The following GDE1 variants were observed in gnomAD, a reference collection of about 807,000 sequenced individuals.
The protein encoded by GDE1 is RGS16-interacting membrane protein.
A neutral mutation model predicts 32.2 loss-of-function variants in GDE1; 24 were observed. The observed-to-expected ratio is 0.75, with a 90% CI of 0.54 to 1.05. The LOEUF (loss-of-function observed/expected upper bound fraction) is 1.05. GDE1 is among the 50% of genes least tolerant of loss of function. The probability of loss-of-function intolerance (pLI) is 0.00; values close to 1 mark genes in which losing one functional copy is unlikely to be tolerated. For synonymous variants in GDE1, 159 were observed against 158.6 expected (o/e 1.00, Z -0.02); for missense variants, 380 against 415.0 (o/e 0.92, Z 0.73).
Position 19,517,663 on chromosome 16 carries a change from C to T in GDE1, c.262-474G>A, listed in dbSNP as rs533188022. 3.3e-5 allele frequency among the ~76,000 whole-genome samples: 5 copies of T among 152,340 alleles called. No individual in the cohort carries two copies. In the East Asian group the frequency reaches 7.7e-4, roughly 24 times the overall value. On this transcript the variant is annotated intron_variant, in intron 1 of 5. Transcript: ENST00000353258. ...TCCACCCTCTACCACAAAGACACCACGCCTGCTTCTAGGACATATCACATT... is the reference window on the plus strand; with the variant it reads ...TCCACCCTCTACCACAAAGACACCATGCCTGCTTCTAGGACATATCACATT...
In GDE1 at chr16:19,521,775, G is replaced by A. The variant is rs143742836; in HGVS notation, c.190C>T (p.Arg64Cys). The stretch of plus-strand genomic sequence containing the variant: ...CCACGGTGGGCGATGGCAGAAATGC[G>A]GTCCCGGGGCTTGAGCACCTGCAGG... ...RALQVLKPRD[R>C]ISAIAHRGGS... is the part of the protein sequence containing the mutation. The change falls in exon 1 of 6, where the codon CGC (arginine) becomes TGC (cysteine). Residue 64 changes from arginine (R) to cysteine (C), a missense_variant. Arg to Cys is a radical substitution (Grantham distance 180). Transcript: ENST00000353258. 4.3e-6 allele frequency: 7 copies of A among 1,611,850 alleles called. No individual in the cohort carries two copies. The African/African-American group carries it at 5.3e-5, about 12-fold the overall frequency.
chr16:19,508,248 T>C (rs1242143476), intron 3 of GDE1, among the ~76,000 whole-genome samples: 1 of 151,916 alleles, frequency 6.6e-6, no homozygotes, highest in Non-Finnish European at 1.5e-5. Context: ...CCATCACCAA[T>C]ATGGAGGGAG....
Position 19,510,862 on chromosome 16 carries a change from C to A in GDE1, c.520G>T (p.Asp174Tyr), listed in dbSNP as rs1324851292. 1.3e-6 allele frequency: 2 copies of A among 1,588,998 alleles called. No homozygotes were observed. The highest frequency in any genetic ancestry group is 1.7e-5 in the Admixed American group (1 of 58,012). ...ACCTTGTGTGCATGGCCTTTGACAT[C>A]AAAGAAGATTGTGAGGTTATGGTTT... ...CLNHNLTIFF[D>Y]VKGHAHKATE... is the part of the protein sequence containing the mutation. The change falls in exon 3 of 6, where the codon GAT (aspartate) becomes TAT (tyrosine). Residue 174 changes from aspartate to tyrosine, a missense_variant. By Grantham distance (160) the Asp-to-Tyr change is radical. Coordinates refer to ENST00000353258, the MANE Select transcript of GDE1 (RefSeq NM_016641.4).
chr16:19,507,268 G>A (rs373733562), intron 4 of GDE1, among the ~76,000 whole-genome samples: 2 of 152,116 alleles, frequency 1.3e-5, no homozygotes, highest in South Asian at 4.1e-4. Context: ...GAGGATCAAT[G>A]GGGTTATGGG....
Position 19,503,133 on chromosome 16 carries a change from C to T in GDE1, c.*337G>A. 3.8e-6 allele frequency: 1 copy of T among 260,404 alleles called. No individual in the cohort carries two copies. Among genetic ancestry groups the T allele is most frequent in the Non-Finnish European group, 7.4e-6 (1 of 135,358 alleles). The allele number at this position is 260,404 out of a possible 1,614,324, so 16.1% of individuals were successfully genotyped here. ...GTCAACTCTGAGTTATCATGCATGT[C>T]CCATGCATTTACATCTGCATCTGCA... is the stretch of plus-strand genomic sequence containing the variant. On this transcript the variant is annotated 3_prime_UTR_variant, in exon 6 of 6. Transcript: ENST00000353258.
At chr16:19,508,705 A>G (rs1455696936) in intron 3 of GDE1, among the ~76,000 whole-genome samples, 1 of 148,910 alleles carries the variant, frequency 6.7e-6, no homozygotes, top group Non-Finnish European at 1.5e-5. Flanking sequence ...TCTCACAACA[A>G]CCTTATGTGG....
intron 3 of GDE1, among the ~76,000 whole-genome samples, chr16:19,509,405 G>C (rs1001585269): frequency 1.3e-5 from 2 of 152,138 alleles, no homozygotes; most frequent in Non-Finnish European, 2.9e-5. Flanking sequence ...ATGAGCACCT[G>C]AGGTGCTCAT....
chr16:19,514,865 G>A (rs536936621), intron 2 of GDE1, among the ~76,000 whole-genome samples: 3 of 152,138 alleles, frequency 2.0e-5, no homozygotes, highest in South Asian at 2.1e-4. Context: ...TCAGGAGTTC[G>A]AGACCAGCCT....
chr16:19,516,236 A>G (rs894122235), intron 2 of GDE1, among the ~76,000 whole-genome samples: 1 of 152,172 alleles, frequency 6.6e-6, no homozygotes, highest in Non-Finnish European at 1.5e-5. Flanking sequence ...GTTGAAAGAC[A>G]TTGGGGGCAG....
chr16:19,505,553 G>A (rs1040995102), intron 4 of GDE1, among the ~76,000 whole-genome samples: 7 of 152,132 alleles, frequency 4.6e-5, no homozygotes, highest in African/African-American at 1.4e-4. Flanking sequence ...GGGGAAGTGA[G>A]GTGGGAAGGG....
chr16:19,507,271 G>C (rs148068853), intron 4 of GDE1, among the ~76,000 whole-genome samples: 1,614 of 152,212 alleles, frequency 0.011, 34 homozygotes, highest in Non-Finnish European at 0.011. Context: ...GATCAATGGG[G>C]TTATGGGTGA....
rs759095009 is a variant in GDE1 at position 19,521,980 on chromosome 16, G to C, written c.-16C>G. ...ACAGCCACATGCCGGCGCCCGCACC[G>C]GCACGGACGGGAGTCCCGGACCCGC... On this transcript the variant is annotated 5_prime_UTR_variant, in exon 1 of 6. Coordinates refer to ENST00000353258, the MANE Select transcript of GDE1 (RefSeq NM_016641.4). 2 of 1,523,724 alleles carry C rather than the reference G, an allele frequency of 1.3e-6. No individual in the cohort carries two copies. The highest frequency in any genetic ancestry group is 2.5e-5 in the East Asian group (1 of 40,670). The allele number at this position is 1,523,724 out of a possible 1,614,324, so 94.4% of individuals were successfully genotyped here.
chr16:19,520,561 C>T (rs1358402394), intron 1 of GDE1, among the ~76,000 whole-genome samples: 1 of 151,560 alleles, frequency 6.6e-6, no homozygotes, highest in Admixed American at 6.6e-5. Flanking sequence ...CCCATCTCTA[C>T]TAAAAATACA....
Position 19,510,819 on chromosome 16 carries a change from G to A in GDE1, c.543+20C>T, listed in dbSNP as rs201005320. ...TAAGATGTCTTTTTAACAAAGTGAA[G>A]TCCACAATTTAAACTGTACCTTGTG... On this transcript the variant is annotated intron_variant, in intron 3 of 5. Transcript: ENST00000353258. The A allele has an allele frequency of 9.5e-6, 11 of 1,162,466 alleles. No homozygotes were observed. The East Asian group carries it at 2.3e-4, about 24-fold the overall frequency. 72.0% of individuals were successfully genotyped at this position (1,162,466 alleles called of 1,614,324 possible). A position where few individuals can be genotyped will look rare whatever the true frequency, so the allele number is the denominator to read the frequency against.
intron 2 of GDE1, 91 bp from the exon 3 acceptor site, chr16:19,511,035 A>G: frequency 1.6e-6 from 1 of 628,048 alleles, no homozygotes; most frequent in South Asian, 2.2e-5. Flanking sequence ...CTCAATCAAA[A>G]GGAAAGAGTG....
chr16:19,504,519 C>T (rs1041017760), intron 5 of GDE1: 6 of 190,592 alleles, frequency 3.1e-5, no homozygotes, highest in East Asian at 1.5e-4. Flanking sequence ...TAACATAAGA[C>T]GGTAGTGGGG....
chr16:19,517,079 C>T lies in GDE1; in HGVS notation c.372G>A (p.Gly124=), dbSNP rs1164375412. 2 of 1,614,110 alleles carry T rather than the reference C, an allele frequency of 1.2e-6. No homozygotes were observed. The highest frequency in any genetic ancestry group is 1.7e-6 in the Non-Finnish European group (2 of 1,179,960). ...GTTCAAATGTCAAATCACACAATCG[C>T]CCAGTCCCATCAGTCGTCCTATCTA... is the stretch of plus-strand genomic sequence containing the variant. ...NTVDRTTDGT[G]RLCDLTFEQI... The change falls in exon 2 of 6, where the codon GGG becomes GGA. Residue 124 remains glycine, a synonymous_variant. Coordinates refer to ENST00000353258, the MANE Select transcript of GDE1 (RefSeq NM_016641.4).
Position 19,521,458 on chromosome 16 carries a change from C to T in GDE1, c.261+246G>A, listed in dbSNP as rs554422081. 170 of 537,628 alleles carry T rather than the reference C, an allele frequency of 3.2e-4. 1 individual carries two copies. Among genetic ancestry groups the T allele is most frequent in the Non-Finnish European group, 4.6e-4 (139 of 301,232 alleles). The allele number at this position is 537,628 out of a possible 1,614,324, so 33.3% of individuals were successfully genotyped here. A position where few individuals can be genotyped will look rare whatever the true frequency, so the allele number is the denominator to read the frequency against. ...AACCAGGGACACTTTTGACCTTGTTCCTGGCTGTATGTAACCTTAGCGTCA... is the reference window on the plus strand; with the variant it reads ...AACCAGGGACACTTTTGACCTTGTTTCTGGCTGTATGTAACCTTAGCGTCA... On this transcript the variant is annotated intron_variant, in intron 1 of 5. Coordinates refer to ENST00000353258, the MANE Select transcript of GDE1 (RefSeq NM_016641.4).
Position 19,503,146 on chromosome 16 carries a change from A to G in GDE1, c.*324T>C, listed in dbSNP as rs146678235. The G allele has an allele frequency of 4.2e-4, 124 of 295,524 alleles. 2 individuals are homozygous for G. In the East Asian group the frequency reaches 5.9e-3, roughly 14 times the overall value. The allele number at this position is 295,524 out of a possible 1,614,324, so 18.3% of individuals were successfully genotyped here. ...TATCATGCATGTCCCATGCATTTACATCTGCATCTGCAAACTGTACAATTC... is the reference window on the plus strand; with the variant it reads ...TATCATGCATGTCCCATGCATTTACGTCTGCATCTGCAAACTGTACAATTC... On this transcript the variant is annotated 3_prime_UTR_variant, in exon 6 of 6. Transcript: ENST00000353258.
Sources: allele counts gnomAD v4.1 joint callset (sites outside exome capture counted in the v4.1 genomes callset), GRCh38; gene constraint gnomAD v4.1.1; transcripts MANE v1.5; gene names NCBI Gene and HGNC (gene_info 2026-07-23, HGNC 2026-07-21).